The following NDRG3 variants were observed in gnomAD, a reference collection of about 807,000 sequenced individuals.
NDRG3 encodes the protein NDRG family member 3, also known as protein NDRG3.
NDRG3 carries 23 observed loss-of-function variants against 57.2 expected under a neutral mutation model. That is an observed-to-expected ratio of 0.40 (90% CI 0.29 to 0.57). The LOEUF (loss-of-function observed/expected upper bound fraction) is 0.57, where lower values mean the gene tolerates loss of function less well. Among genes scored for constraint, NDRG3 ranks in the 20% least tolerant of loss-of-function variants. NDRG3 has a pLI of 0.42. For missense variants in NDRG3, 384 were observed against 457.3 expected, an observed-to-expected ratio of 0.84 and a Z score of 1.46; for synonymous variants, 132 against 162.6, an observed-to-expected ratio of 0.81 and a Z score of 1.43.
intron 3 of NDRG3, among the ~76,000 whole-genome samples, chr20:36,692,257 T>A (rs1179254574): frequency 2.0e-5 from 3 of 152,176 alleles, no homozygotes; most frequent in Non-Finnish European, 4.4e-5. Flanking sequence ...TCTTACTCTA[T>A]CGCCCGCCCA....
chr20:36,728,718 T>C (rs1985096947), intron 1 of NDRG3, among the ~76,000 whole-genome samples: 1 of 151,616 alleles, frequency 6.6e-6, no homozygotes, highest in South Asian at 2.1e-4. Context: ...ATTTTGGTTT[T>C]TTTGTTTTTT....
intron 2 of NDRG3, among the ~76,000 whole-genome samples, chr20:36,707,329 G>A (rs1600932379): frequency 6.6e-6 from 1 of 152,134 alleles, no homozygotes; most frequent in African/African-American, 2.4e-5. Flanking sequence ...GGTAAAACAT[G>A]GACCACAGTC....
chr20:36,703,364 T>C (rs888034828), intron 3 of NDRG3, among the ~76,000 whole-genome samples: 8 of 152,062 alleles, frequency 5.3e-5, no homozygotes, highest in Admixed American at 3.9e-4. Context: ...CATATATATA[T>C]ACATATATAC....
chr20:36,693,768 C>T (rs1208101029), intron 3 of NDRG3, among the ~76,000 whole-genome samples: 2 of 151,560 alleles, frequency 1.3e-5, no homozygotes, highest in Non-Finnish European at 2.9e-5. Context: ...CCCATCACCC[C>T]CACATGGGAC....
chr20:36,660,527 T>TA (rs1979080015), intron 12 of NDRG3, 143 bp from the exon 13 acceptor site: 1 of 330,062 alleles, frequency 3.0e-6, no homozygotes. Context: ...CCAAAATACA[T>TA]AGTGGGAGAT....
chr20:36,719,425 CAAAAAAAAAA>C (rs542067369), intron 2 of NDRG3, among the ~76,000 whole-genome samples: 1 of 71,208 alleles, frequency 1.4e-5, no homozygotes, highest in Non-Finnish European at 2.8e-5. Flanking sequence ...GACTCCGTTT[CAAAAAAAAAA>C]AAAAAAAAAG....
intron 9 of NDRG3, among the ~76,000 whole-genome samples, chr20:36,666,809 T>C (rs559799118): frequency 6.6e-6 from 1 of 152,286 alleles, no homozygotes; most frequent in South Asian, 2.1e-4. Flanking sequence ...ATATAAACCA[T>C]AAAGTGTAAA....
At position 36,653,671 on chromosome 20, in the gene NDRG3, C is replaced by A; in HGVS notation, c.977G>T (p.Arg326Leu). 1 of 1,613,754 alleles carries A rather than the reference C, an allele frequency of 6.2e-7. No homozygotes were observed. Among genetic ancestry groups the A allele is most frequent in the Non-Finnish European group, 8.5e-7 (1 of 1,180,008 alleles). Residue 326 changes from arginine to leucine, a missense_variant, in exon 16 of 16, where the codon CGA becomes CTA. Transcript: ENST00000349004. This position sits in a 1 kb window ranked among gnomAD's most constrained non-coding sequence, Gnocchi z 4.2. ...IPSASMTRLA[R>L]SRTHSTSSSL... ...ACTCGAGGTTGAGTGGGTTCGTGATCGGGCGAGCCGAGTCATGCTGGCAGA... is the reference window on the plus strand; with the variant it reads ...ACTCGAGGTTGAGTGGGTTCGTGATAGGGCGAGCCGAGTCATGCTGGCAGA...
intron 6 of NDRG3, among the ~76,000 whole-genome samples, chr20:36,683,315 A>T (rs1046530588): frequency 3.3e-5 from 5 of 152,012 alleles, no homozygotes; most frequent in African/African-American, 1.2e-4. Flanking sequence ...TTTAATGGTT[A>T]AATAAAATAT....
At chr20:36,711,835 A>G (rs1205573749) in intron 2 of NDRG3, among the ~76,000 whole-genome samples, 1 of 152,176 alleles carries the variant, frequency 6.6e-6, no homozygotes, top group Non-Finnish European at 1.5e-5. Flanking sequence ...CTGCAGTTGC[A>G]GTGGCACGAT....
At chr20:36,708,092 GAA>G (rs890917054) in intron 2 of NDRG3, among the ~76,000 whole-genome samples, 1 of 140,820 alleles carries the variant, frequency 7.1e-6, no homozygotes, top group Non-Finnish European at 1.6e-5. Context: ...TCAAAAAAAG[GAA>G]AAAAAAAAAG....
chr20:36,657,200 T>C (rs1199538005), intron 13 of NDRG3, among the ~76,000 whole-genome samples: 2 of 152,106 alleles, frequency 1.3e-5, no homozygotes, highest in Non-Finnish European at 2.9e-5. Context: ...AGATTGTGCA[T>C]TTCTGGCCGC....
chr20:36,678,553 C>T (rs1392154632), intron 8 of NDRG3, among the ~76,000 whole-genome samples: 1 of 152,130 alleles, frequency 6.6e-6, no homozygotes, highest in Non-Finnish European at 1.5e-5. Context: ...TGGTGGCAGG[C>T]ACCTGTGATC....
At chr20:36,656,172 T>G (rs184432305) in intron 15 of NDRG3, among the ~76,000 whole-genome samples, 188 bp downstream of exon 15, 1 of 150,778 alleles carries the variant, frequency 6.6e-6, no homozygotes, top group Admixed American at 6.6e-5. Context: ...TATTGCCTGA[T>G]GAAAGTAAGT....
At chr20:36,711,158 T>G (rs1352966856) in intron 2 of NDRG3, among the ~76,000 whole-genome samples, 1 of 147,174 alleles carries the variant, frequency 6.8e-6, no homozygotes, top group Non-Finnish European at 1.5e-5. Flanking sequence ...GGCAGGCGCC[T>G]GTAGTCCCAG....
intron 8 of NDRG3, among the ~76,000 whole-genome samples, chr20:36,674,118 A>C (rs1346185027): frequency 2.0e-5 from 3 of 152,184 alleles, no homozygotes; most frequent in Non-Finnish European, 4.4e-5. Flanking sequence ...AAAACAAAAA[A>C]ACATTTAAGA....
intron 15 of NDRG3, chr20:36,654,831 C>G (rs370271701): frequency 1.3e-6 from 1 of 779,774 alleles, no homozygotes; most frequent in South Asian, 1.3e-5. Context: ...CTGAGCTGCA[C>G]ATACGGGACT....
intron 1 of NDRG3, among the ~76,000 whole-genome samples, chr20:36,738,154 G>A (rs1357792298): frequency 6.6e-6 from 1 of 152,012 alleles, no homozygotes; most frequent in Non-Finnish European, 1.5e-5. Flanking sequence ...CTACCTGGGG[G>A]TATTGGAAAT....
chr20:36,677,100 C>T (rs567517120), intron 8 of NDRG3, among the ~76,000 whole-genome samples: 7 of 152,290 alleles, frequency 4.6e-5, no homozygotes, highest in East Asian at 3.9e-4. Context: ...CTCCGGGAAG[C>T]GAGCAGGAGC....
Sources: allele counts gnomAD v4.1 joint callset (sites outside exome capture counted in the v4.1 genomes callset), GRCh38; gene constraint gnomAD v4.1.1; non-coding constraint Gnocchi (gnomAD v3.1); transcripts MANE v1.5; gene names NCBI Gene and HGNC (gene_info 2026-07-23, HGNC 2026-07-21).